The following SCFD2 variants were observed in gnomAD, a reference collection of about 807,000 sequenced individuals.
The protein encoded by SCFD2 is sec1 family domain containing 2, also known as sec1 family domain-containing protein 2.
SCFD2 carries 54 observed loss-of-function variants against 58.9 expected under a neutral mutation model. The ratio of observed to expected loss-of-function variants is 0.92; its 90% CI spans 0.74 to 1.15. The LOEUF (loss-of-function observed/expected upper bound fraction) is 1.15. SCFD2 is among the 50% of genes most tolerant of loss of function. The pLI, the probability that SCFD2 is intolerant of heterozygous loss-of-function variation, is 0.00. For missense variants in SCFD2, 805 were observed against 836.6 expected (o/e 0.96, Z 0.47); for synonymous variants, 321 against 335.9 (o/e 0.96, Z 0.49).
chr4:52,924,868 C>T (rs767087021), intron 5 of SCFD2, among the ~76,000 whole-genome samples: 8 of 152,156 alleles, frequency 5.3e-5, no homozygotes, highest in Admixed American at 1.3e-4. Flanking sequence ...CCCACAATTC[C>T]ACATCTCATC....
At chr4:53,271,354 C>G (rs542121890) in intron 4 of SCFD2, among the ~76,000 whole-genome samples, 1 of 151,690 alleles carries the variant, frequency 6.6e-6, no homozygotes, top group African/African-American at 2.4e-5. Flanking sequence ...AACAGCCTAA[C>G]TAAACATCAG....
intron 5 of SCFD2, among the ~76,000 whole-genome samples, chr4:53,123,753 T>G (rs1725549707): frequency 6.6e-6 from 1 of 152,212 alleles, no homozygotes. Context: ...CAAAGGAAAG[T>G]CATTCCTCAT....
intron 5 of SCFD2, among the ~76,000 whole-genome samples, chr4:52,927,096 C>G (rs1719881215): frequency 6.6e-6 from 1 of 152,096 alleles, no homozygotes; most frequent in South Asian, 2.1e-4. Flanking sequence ...ACAATAGAAG[C>G]CCTCTTTCCA....
chr4:52,898,499 T>C (rs946492939), intron 7 of SCFD2, among the ~76,000 whole-genome samples: 4 of 152,254 alleles, frequency 2.6e-5, no homozygotes, highest in Non-Finnish European at 5.9e-5. Context: ...CTAGTTTGAT[T>C]GCACTGTGGT....
At chr4:53,329,033 G>A (rs538816255) in intron 2 of SCFD2, among the ~76,000 whole-genome samples, 7 of 152,294 alleles carry the variant, frequency 4.6e-5, no homozygotes, top group South Asian at 2.1e-4. Context: ...TGTGCTTTTC[G>A]GACCGGGTTA....
At chr4:52,890,323 T>C (rs1247623388) in intron 7 of SCFD2, among the ~76,000 whole-genome samples, 4 of 152,256 alleles carry the variant, frequency 2.6e-5, no homozygotes, top group African/African-American at 4.8e-5. Context: ...CAAAGAACAA[T>C]ACCCTGGGGC....
chr4:53,329,305 C>T (rs992916562), intron 2 of SCFD2, among the ~76,000 whole-genome samples: 1 of 152,106 alleles, frequency 6.6e-6, no homozygotes, highest in Non-Finnish European at 1.5e-5. Flanking sequence ...CACAGACAAA[C>T]AAAAAGACAG....
At chr4:53,362,054 C>A (rs1440912251) in intron 1 of SCFD2, among the ~76,000 whole-genome samples, 1 of 151,794 alleles carries the variant, frequency 6.6e-6, no homozygotes, top group Non-Finnish European at 1.5e-5. Context: ...TGGGAGGAGA[C>A]AGGTAATAAA....
At chr4:53,297,383 T>C (rs538179790) in intron 3 of SCFD2, among the ~76,000 whole-genome samples, 103 of 152,330 alleles carry the variant, frequency 6.8e-4, no homozygotes, top group South Asian at 6.2e-3. Flanking sequence ...CCCTCTACCA[T>C]TATGTAATGC....
At chr4:52,975,303 T>C (rs1307355085) in intron 5 of SCFD2, among the ~76,000 whole-genome samples, 1 of 151,970 alleles carries the variant, frequency 6.6e-6, no homozygotes, top group African/African-American at 2.4e-5. Flanking sequence ...GAATCTACAA[T>C]GAACTCAAAC....
At chr4:53,047,439 C>A (rs138036532) in intron 5 of SCFD2, among the ~76,000 whole-genome samples, 1 of 152,254 alleles carries the variant, frequency 6.6e-6, no homozygotes, top group African/African-American at 2.4e-5. Context: ...CAGAGTGAGA[C>A]CCTGTCTCTA....
At chr4:53,359,132 T>C (rs1345851274) in intron 1 of SCFD2, among the ~76,000 whole-genome samples, 1 of 152,134 alleles carries the variant, frequency 6.6e-6, no homozygotes, top group Non-Finnish European at 1.5e-5. Context: ...GCAAAGATGA[T>C]AACCAAAAGA....
chr4:53,216,447 G>T (rs1728837564), intron 4 of SCFD2, among the ~76,000 whole-genome samples: 1 of 152,186 alleles, frequency 6.6e-6, no homozygotes, highest in Non-Finnish European at 1.5e-5. Flanking sequence ...GGTGTTCATA[G>T]TATTCTCTGA....
chr4:53,302,090 A>G (rs1732327659), intron 3 of SCFD2, among the ~76,000 whole-genome samples: 1 of 152,168 alleles, frequency 6.6e-6, no homozygotes, highest in African/African-American at 2.4e-5. Context: ...TAGTGTTGGA[A>G]GTTCTGGCCA....
chr4:53,108,078 C>T (rs1725057287), intron 5 of SCFD2, among the ~76,000 whole-genome samples: 1 of 152,186 alleles, frequency 6.6e-6, no homozygotes, highest in Admixed American at 6.5e-5. Flanking sequence ...TCACTCAAAA[C>T]CCCACAACTA....
intron 5 of SCFD2, among the ~76,000 whole-genome samples, chr4:52,960,634 G>A (rs1303238642): frequency 2.0e-5 from 3 of 152,028 alleles, no homozygotes; most frequent in Non-Finnish European, 2.9e-5. Context: ...CTCCCAAAGT[G>A]TTGGGATTAC....
intron 7 of SCFD2, among the ~76,000 whole-genome samples, chr4:52,897,449 T>C (rs1045712000): frequency 9.9e-5 from 15 of 152,236 alleles, no homozygotes; most frequent in Admixed American, 3.3e-4. Flanking sequence ...GTTTATAGGC[T>C]GGATTAAGTT....
At chr4:52,918,399 T>C (rs562935945) in intron 6 of SCFD2, among the ~76,000 whole-genome samples, 11 of 152,230 alleles carry the variant, frequency 7.2e-5, no homozygotes, top group African/African-American at 2.4e-4. Flanking sequence ...CAGATGCCAC[T>C]CTAGGTACTG....
chr4:52,948,554 T>A (rs1720501349), intron 5 of SCFD2: 2 of 456,188 alleles, frequency 4.4e-6, no homozygotes, highest in African/African-American at 4.0e-5. Flanking sequence ...TAAACAAATG[T>A]AAGTCAGTGC....
Sources: allele counts gnomAD v4.1 joint callset (sites outside exome capture counted in the v4.1 genomes callset), GRCh38; gene constraint gnomAD v4.1.1; transcripts MANE v1.5; gene names NCBI Gene and HGNC (gene_info 2026-07-23, HGNC 2026-07-21).